MCPH1: variants seen among roughly 807,000 people sequenced by gnomAD.
MCPH1 encodes microcephalin 1, also known as microcephalin.
A neutral mutation model predicts 84.5 loss-of-function variants in MCPH1; 104 were observed. That is an observed-to-expected ratio of 1.23 (90% CI 1.05 to 1.45). The LOEUF (loss-of-function observed/expected upper bound fraction) is 1.45, where lower values mean the gene tolerates loss of function less well. MCPH1 is among the 40% of genes most tolerant of loss of function. MCPH1 has a pLI of 0.00. For synonymous variants in MCPH1, 514 were observed against 366.8 expected, an observed-to-expected ratio of 1.40 and a Z score of -4.58; for missense variants, 1,498 against 1,005.7, an observed-to-expected ratio of 1.49 and a Z score of -6.62.
At chr8:6,609,868 G>C (rs1472816934) in intron 12 of MCPH1, among the ~76,000 whole-genome samples, 1 of 150,986 alleles carries the variant, frequency 6.6e-6, no homozygotes, top group Non-Finnish European at 1.5e-5. Context: ...GGGTGAGGGG[G>C]GTGCAGGTCA....
intron 12 of MCPH1, among the ~76,000 whole-genome samples, chr8:6,538,747 A>C (rs575814488): frequency 2.4e-4 from 36 of 152,324 alleles, no homozygotes; most frequent in Admixed American, 1.8e-3. Flanking sequence ...CACAGACAAT[A>C]GGTTAATGTT....
At chr8:6,530,762 G>A (rs73507120) in intron 12 of MCPH1, among the ~76,000 whole-genome samples, 1 of 152,242 alleles carries the variant, frequency 6.6e-6, no homozygotes, top group African/African-American at 2.4e-5. Context: ...TTATCTGTAA[G>A]TCTTTTGTTA....
At position 6,407,562 on chromosome 8, in the gene MCPH1, G is replaced by T. The variant is rs560141879; in HGVS notation, c.22+873G>T. Among the ~76,000 whole-genome samples, 4 of 152,236 alleles carry T rather than the reference G, an allele frequency of 2.6e-5. No individual in the cohort carries two copies. The East Asian group carries it at 7.7e-4, about 29-fold the overall frequency. ...TAGAGTTTGACCGTGAGAAAAAAGG[G>T]GCCTGTATTGTGGGGCCTGGAGTCA... On this transcript the variant is annotated intron_variant, in intron 1 of 13. Coordinates refer to ENST00000344683, the MANE Select transcript of MCPH1 (RefSeq NM_024596.5).
intron 13 of MCPH1, chr8:6,626,795 A>G (rs1832127423): frequency 4.1e-6 from 4 of 985,104 alleles, no homozygotes; most frequent in Non-Finnish European, 4.8e-6. Context: ...GGTCTGCGAC[A>G]TTTGTGCTGT....
chr8:6,445,434 C>T lies in MCPH1; in HGVS notation c.1712C>T (p.Ser571Leu). Reference sequence around the variant, plus strand: ...AACAAAGGTACCACTTCCAAAATATCAAACTCCTCTGAAGGCGAAGCCCAG... The same window carrying T: ...AACAAAGGTACCACTTCCAAAATATTAAACTCCTCTGAAGGCGAAGCCCAG... ...TQNKGTTSKI[S>L]NSSEGEAQSE... Residue 571 changes from serine to leucine, a missense_variant, in exon 8 of 14, where the codon TCA becomes TTA. Transcript: ENST00000344683. 6.2e-7 allele frequency: 1 copy of T among 1,614,228 alleles called. No individual in the cohort carries two copies. Among genetic ancestry groups the T allele is most frequent in the Admixed American group, 1.7e-5 (1 of 60,032 alleles).
intron 12 of MCPH1, among the ~76,000 whole-genome samples, chr8:6,595,622 G>T (rs539628637): frequency 1.3e-5 from 2 of 152,174 alleles, no homozygotes; most frequent in South Asian, 2.1e-4. Flanking sequence ...GGTCCAACAC[G>T]GTCTTCAGAG....
intron 12 of MCPH1, among the ~76,000 whole-genome samples, chr8:6,580,982 A>G (rs28603189): frequency 0.14 from 21,080 of 152,220 alleles, 1,739 homozygotes; most frequent in African/African-American, 0.23. Context: ...ATACAACAAT[A>G]AAAAAGTACA....
intron 9 of MCPH1, among the ~76,000 whole-genome samples, chr8:6,472,643 T>C (rs1342373723): frequency 1.3e-5 from 2 of 151,980 alleles, no homozygotes; most frequent in Non-Finnish European, 2.9e-5. Flanking sequence ...ATTTTTGTAT[T>C]TTTTAGTAGA....
intron 9 of MCPH1, among the ~76,000 whole-genome samples, chr8:6,461,501 AT>A (rs78168192): frequency 1.7e-3 from 228 of 136,250 alleles, no homozygotes; most frequent in Admixed American, 1.5e-3. Context: ...TAATTTTTCT[AT>A]TTTTTTTTTT....
intron 3 of MCPH1, among the ~76,000 whole-genome samples, chr8:6,416,391 T>A (rs541110552): frequency 3.2e-4 from 48 of 152,344 alleles, no homozygotes; most frequent in African/African-American, 1.2e-3. Flanking sequence ...TTGTTGCTCA[T>A]CTTTGGAGAA....
At chr8:6,563,916 TCATTA>T (rs1424368981) in intron 12 of MCPH1, among the ~76,000 whole-genome samples, 3 of 152,184 alleles carry the variant, frequency 2.0e-5, no homozygotes, top group Non-Finnish European at 4.4e-5. Context: ...CTGATTAAGT[TCATTA>T]CATTACAATA....
chr8:6,418,875 C>T lies in MCPH1; in HGVS notation c.233+3992C>T, dbSNP rs148091629. ...GATTGTAGGCGTGAGCCACAGCGCC[C>T]GGCCAGGATTTTTTTTTTAAGACTC... On this transcript the variant is annotated intron_variant, in intron 3 of 13. Transcript: ENST00000344683. 4.5e-3 allele frequency among the ~76,000 whole-genome samples: 678 copies of T among 152,080 alleles called. 3 individuals carry two copies. Among genetic ancestry groups the T allele is most frequent in the Non-Finnish European group, 6.0e-3 (406 of 68,000 alleles).
intron 12 of MCPH1, chr8:6,563,065 TC>T (rs1825804441): frequency 1.0e-6 from 1 of 988,340 alleles, no homozygotes; most frequent in Admixed American, 2.8e-5. Context: ...GAAAGTCTTC[TC>T]TTTCCTCTTT....
At chr8:6,528,347 T>C (rs1818777055) in intron 12 of MCPH1, among the ~76,000 whole-genome samples, 1 of 152,218 alleles carries the variant, frequency 6.6e-6, no homozygotes, top group Non-Finnish European at 1.5e-5. Flanking sequence ...AGGTGGAAAG[T>C]ATTTTCCCTT....
intron 12 of MCPH1, among the ~76,000 whole-genome samples, chr8:6,586,741 C>T (rs1479850676): frequency 6.6e-6 from 1 of 152,156 alleles, no homozygotes; most frequent in African/African-American, 2.4e-5. Context: ...CTATGGGCCG[C>T]GGGAGCCCTT....
At chr8:6,526,556 A>G (rs1818389692) in intron 12 of MCPH1, among the ~76,000 whole-genome samples, 1 of 152,256 alleles carries the variant, frequency 6.6e-6, no homozygotes, top group South Asian at 2.1e-4. Context: ...AAATATTTGA[A>G]TTTTAAAAAT....
chr8:6,562,896 A>T lies in MCPH1; in HGVS notation c.2215-58558A>T, dbSNP rs369653095. The T allele has an allele frequency of 1.9e-6, 3 of 1,607,850 alleles. No homozygotes were observed. In the Admixed American group the frequency reaches 5.0e-5, roughly 27 times the overall value. ...AGTTGTTATAGGCTGCGGCCAAGAC[A>T]AGATCACAGCTCAGAGTAAAGAAAA... On this transcript the variant is annotated intron_variant, in intron 12 of 13. Transcript: ENST00000344683.
At chr8:6,460,426 G>C (rs894789390) in intron 9 of MCPH1, among the ~76,000 whole-genome samples, 1 of 151,780 alleles carries the variant, frequency 6.6e-6, no homozygotes, top group Non-Finnish European at 1.5e-5. Flanking sequence ...ACGTTGGCCA[G>C]GCTGGTCTCG....
intron 8 of MCPH1, chr8:6,447,400 C>T (rs1451981888): frequency 2.0e-6 from 2 of 985,300 alleles, no homozygotes; most frequent in Middle Eastern, 5.2e-4. Flanking sequence ...GGGCTTTTTG[C>T]CATTTCTGTT....
Sources: gnomAD v4.1 joint callset for allele counts (sites outside exome capture counted in the v4.1 genomes callset) on GRCh38, gnomAD v4.1.1 for gene constraint, MANE v1.5 for transcripts, NCBI Gene and HGNC (gene_info 2026-07-23, HGNC 2026-07-21) for gene names.